AIRIM: variants seen among roughly 807,000 people sequenced by gnomAD.
The protein encoded by AIRIM is AFG2 interacting ribosome maturation factor, also known as AFG2-interacting ribosome maturation factor.
At chr1:37,685,842 T>C in the AIRIM span, among the ~76,000 whole-genome samples, 81 of 152,308 alleles carry the variant, frequency 5.3e-4, no homozygotes, top group African/African-American at 1.8e-3. Context: ...GCCTTTGCAT[T>C]TGATGTTTCC....
chr1:37,690,552 A>C, the AIRIM span: 3 of 1,093,746 alleles, frequency 2.7e-6, no homozygotes, highest in Non-Finnish European at 2.3e-6. Context: ...CCTCCCCACA[A>C]AGCTACTCCG....
At chr1:37,686,585 G>A in the AIRIM span, 18 of 856,642 alleles carry the variant, frequency 2.1e-5, no homozygotes, top group Admixed American at 5.3e-5. Context: ...ATTGTAGGAC[G>A]TGTAGGAGCA....
the AIRIM span, chr1:37,690,546 C>T: frequency 1.8e-6 from 2 of 1,126,932 alleles, no homozygotes; most frequent in Non-Finnish European, 2.2e-6. Context: ...ACGCGACCTC[C>T]CCACAAAGCT....
chr1:37,684,853 G>A, the AIRIM span, among the ~76,000 whole-genome samples: 1 of 152,030 alleles, frequency 6.6e-6, no homozygotes, highest in Non-Finnish European at 1.5e-5. Flanking sequence ...GCTAAAATCA[G>A]GTGTCAGACA....
chr1:37,690,051 C>G, the AIRIM span: 9 of 1,412,480 alleles, frequency 6.4e-6, no homozygotes, highest in African/African-American at 7.3e-5. Flanking sequence ...CGGAGTCTCA[C>G]TGTCGCCCAG....
At chr1:37,685,193 G>GA in the AIRIM span, among the ~76,000 whole-genome samples, 1 of 52,946 alleles carries the variant, frequency 1.9e-5, no homozygotes, top group Admixed American at 2.4e-4. Flanking sequence ...GCTTTTTTTT[G>GA]GGGGGGGGGG....
chr1:37,682,958 CAG>C, the AIRIM span: 1 of 694,464 alleles, frequency 1.4e-6, no homozygotes, highest in Non-Finnish European at 2.4e-6. Flanking sequence ...GCTCCAAAAT[CAG>C]ACATCTAGGC....
the AIRIM span, among the ~76,000 whole-genome samples, chr1:37,688,965 C>CA: frequency 0.44 from 46,504 of 106,134 alleles, 9,761 homozygotes; most frequent in East Asian, 0.55. Context: ...GACCCTGTCT[C>CA]AAAAAAAAAA....
the AIRIM span, chr1:37,683,539 G>A: frequency 1.5e-6 from 2 of 1,368,490 alleles, no homozygotes; most frequent in Non-Finnish European, 2.0e-6. Flanking sequence ...TGAAAGTGCA[G>A]ATATCCTTAC....
At chr1:37,689,647 C>T in the AIRIM span, 10,824 of 1,612,950 alleles carry the variant, frequency 6.7e-3, 615 homozygotes, top group African/African-American at 0.13. Flanking sequence ...CACCAGCCAC[C>T]AGCTGCTTAC....
chr1:37,688,378 T>C, the AIRIM span, among the ~76,000 whole-genome samples: 2 of 152,180 alleles, frequency 1.3e-5, no homozygotes, highest in Non-Finnish European at 2.9e-5. Context: ...ACACTACTCA[T>C]ACCCACGTCT....
the AIRIM span, chr1:37,690,222 T>C: frequency 8.0e-7 from 1 of 1,255,194 alleles, no homozygotes; most frequent in Non-Finnish European, 1.0e-6. Flanking sequence ...TGACCTCAGG[T>C]GATCCGCCCG....
chr1:37,685,197 G>GT, the AIRIM span, among the ~76,000 whole-genome samples: 2 of 127,956 alleles, frequency 1.6e-5, no homozygotes, highest in Non-Finnish European at 1.7e-5. Context: ...TTTTTTGGGG[G>GT]GGGGGGGTGG....
the AIRIM span, among the ~76,000 whole-genome samples, chr1:37,684,819 T>C: frequency 6.6e-6 from 1 of 152,038 alleles, no homozygotes; most frequent in Non-Finnish European, 1.5e-5. Flanking sequence ...ATTATTCACA[T>C]GAAGGCAGAA....
chr1:37,685,562 A>AT, the AIRIM span, among the ~76,000 whole-genome samples: 11 of 151,404 alleles, frequency 7.3e-5, no homozygotes, highest in Admixed American at 3.3e-4. Flanking sequence ...TAATTTTTGT[A>AT]TTTTTTGTAG....
the AIRIM span, chr1:37,682,861 G>A: frequency 2.3e-6 from 1 of 439,428 alleles, no homozygotes; most frequent in South Asian, 3.0e-5. Context: ...CTTTCCTGTT[G>A]TCTCTCTAGC....
chr1:37,686,483 T>C, the AIRIM span: 18 of 1,598,718 alleles, frequency 1.1e-5, no homozygotes, highest in South Asian at 1.2e-4. Context: ...TTAGGCAATA[T>C]CATGAGACAT....
the AIRIM span, chr1:37,690,560 C>T: frequency 9.4e-7 from 1 of 1,067,562 alleles, no homozygotes; most frequent in Non-Finnish European, 1.2e-6. Flanking sequence ...CAAAGCTACT[C>T]CGCGGGCCTG....
chr1:37,688,134 G>A, the AIRIM span, among the ~76,000 whole-genome samples: 1 of 151,854 alleles, frequency 6.6e-6, no homozygotes, highest in Non-Finnish European at 1.5e-5. Context: ...TTGGCTCACT[G>A]CAACCTCTGC....
Sources: gnomAD v4.1 joint callset for allele counts (sites outside exome capture counted in the v4.1 genomes callset) on GRCh38, gnomAD v4.1.1 for gene constraint, MANE v1.5 for transcripts, NCBI Gene and HGNC (gene_info 2026-07-23, HGNC 2026-07-21) for gene names.